The following NAALADL2 variants were observed in gnomAD, a reference collection of about 807,000 sequenced individuals.
The protein encoded by NAALADL2 is N-acetylated alpha-linked acidic dipeptidase like 2.
NAALADL2 carries 76 observed loss-of-function variants against 87.2 expected under a neutral mutation model. The ratio of observed to expected loss-of-function variants is 0.87; its 90% CI spans 0.72 to 1.05. NAALADL2 has a LOEUF of 1.05. Among genes scored for constraint, NAALADL2 ranks in the 50% least tolerant of loss-of-function variants. NAALADL2 has a pLI of 0.00. For missense variants in NAALADL2, 1,089 were observed against 945.8 expected (o/e 1.15, Z -1.99); for synonymous variants, 354 against 331.0 (o/e 1.07, Z -0.75).
intron 2 of NAALADL2, among the ~76,000 whole-genome samples, chr3:174,695,930 A>G (rs550890472): frequency 1.3e-5 from 2 of 152,174 alleles, no homozygotes; most frequent in African/African-American, 2.4e-5. Flanking sequence ...GCTAAGAGAT[A>G]GTATTGACAT....
At chr3:175,785,061 C>A (rs1382096187) in intron 13 of NAALADL2, among the ~76,000 whole-genome samples, 1 of 151,046 alleles carries the variant, frequency 6.6e-6, no homozygotes, top group African/African-American at 2.4e-5. Context: ...GCACTGTGGT[C>A]TGAGAGATAG....
At chr3:175,508,100 G>C (rs1477564902) in intron 9 of NAALADL2, among the ~76,000 whole-genome samples, 3 of 152,148 alleles carry the variant, frequency 2.0e-5, no homozygotes, top group Non-Finnish European at 2.9e-5. Context: ...TAGAGAGTGG[G>C]GCAGAGGTGC....
At chr3:175,233,239 T>C (rs1461253) in intron 2 of NAALADL2, among the ~76,000 whole-genome samples, 64,610 of 151,976 alleles carry the variant, frequency 0.43, 15,492 homozygotes, top group Non-Finnish European at 0.54. Context: ...TCAATCATAT[T>C]GTTTTAAATG....
At chr3:174,687,632 TG>T (rs1185759878) in intron 2 of NAALADL2, among the ~76,000 whole-genome samples, 1 of 152,104 alleles carries the variant, frequency 6.6e-6, no homozygotes, top group Non-Finnish European at 1.5e-5. Context: ...TAGGAAGTGA[TG>T]GGTTTTGAGT....
intron 13 of NAALADL2, 68 bp downstream of exon 13, chr3:175,755,486 T>C (rs990921738): frequency 6.2e-5 from 72 of 1,170,662 alleles, no homozygotes; most frequent in Non-Finnish European, 7.2e-5. Context: ...ACTTTCAGAA[T>C]ACATACCTTC....
chr3:175,794,950 A>C (rs1006271352), intron 13 of NAALADL2, among the ~76,000 whole-genome samples: 1 of 152,120 alleles, frequency 6.6e-6, no homozygotes, highest in African/African-American at 2.4e-5. Flanking sequence ...TGGAGCGGGT[A>C]CTCTGGCTGG....
At chr3:174,774,319 T>C (rs1032733187) in intron 3 of NAALADL2, among the ~76,000 whole-genome samples, 2 of 152,322 alleles carry the variant, frequency 1.3e-5, no homozygotes, top group Non-Finnish European at 2.9e-5. Flanking sequence ...CTTTCTCTAC[T>C]TCTTAGGTAG....
intron 1 of NAALADL2, among the ~76,000 whole-genome samples, chr3:174,993,566 A>G (rs1467477088): frequency 1.3e-5 from 2 of 152,196 alleles, no homozygotes; most frequent in African/African-American, 4.8e-5. Context: ...GAAGCTTCTT[A>G]GGGGCGGTGG....
intron 2 of NAALADL2, among the ~76,000 whole-genome samples, chr3:175,162,816 T>C (rs578089228): frequency 4.6e-5 from 7 of 152,262 alleles, no homozygotes; most frequent in African/African-American, 1.7e-4. Context: ...TTTCTCTCTT[T>C]AGGCAAACTG....
chr3:174,963,711 T>C (rs1742459849), intron 1 of NAALADL2, among the ~76,000 whole-genome samples: 1 of 152,138 alleles, frequency 6.6e-6, no homozygotes, highest in Non-Finnish European at 1.5e-5. Context: ...TTGGCACATA[T>C]TACGAGCTCA....
At chr3:174,609,218 G>A (rs1417485837) in intron 2 of NAALADL2, among the ~76,000 whole-genome samples, 4 of 152,126 alleles carry the variant, frequency 2.6e-5, no homozygotes, top group Non-Finnish European at 5.9e-5. Context: ...TATTGAATGG[G>A]CAAAAACTGG....
intron 2 of NAALADL2, among the ~76,000 whole-genome samples, chr3:174,604,955 A>T (rs1356167490): frequency 6.6e-6 from 1 of 151,160 alleles, no homozygotes; most frequent in Non-Finnish European, 1.5e-5. Flanking sequence ...GTTTCACAAT[A>T]TTGTCCAGGC....
intron 5 of NAALADL2, among the ~76,000 whole-genome samples, chr3:175,363,950 CA>C (rs1765293883): frequency 6.8e-6 from 1 of 148,076 alleles, no homozygotes; most frequent in Admixed American, 6.9e-5. Context: ...ACAGATTTGA[CA>C]TTCGATTTGA....
intron 11 of NAALADL2, among the ~76,000 whole-genome samples, chr3:175,679,234 C>G (rs1484608416): frequency 1.3e-5 from 2 of 149,670 alleles, no homozygotes; most frequent in Non-Finnish European, 3.0e-5. Flanking sequence ...TTAGCTTGGG[C>G]TCAGAGGCCT....
chr3:175,274,324 C>T (rs1323642415), intron 4 of NAALADL2, among the ~76,000 whole-genome samples: 2 of 152,200 alleles, frequency 1.3e-5, no homozygotes, highest in African/African-American at 2.4e-5. Context: ...CCTCCCACGA[C>T]ACGTGGGGAT....
intron 2 of NAALADL2, among the ~76,000 whole-genome samples, chr3:174,585,317 A>T (rs1021285625): frequency 5.3e-5 from 8 of 152,162 alleles, no homozygotes; most frequent in Admixed American, 2.6e-4. Context: ...GAAATCTCCT[A>T]AAATATTGAT....
At chr3:175,388,446 C>T (rs1768677515) in intron 5 of NAALADL2, among the ~76,000 whole-genome samples, 1 of 151,958 alleles carries the variant, frequency 6.6e-6, no homozygotes, top group South Asian at 2.1e-4. Flanking sequence ...TTCTCAATGC[C>T]ATAAAATACA....
chr3:175,738,720 C>T (rs993550140), intron 12 of NAALADL2, among the ~76,000 whole-genome samples: 1 of 152,140 alleles, frequency 6.6e-6, no homozygotes, highest in Non-Finnish European at 1.5e-5. Context: ...TCATATTGCT[C>T]TCCTTTTTAT....
intron 2 of NAALADL2, among the ~76,000 whole-genome samples, chr3:175,150,864 G>A (rs549735405): frequency 1.3e-5 from 2 of 152,258 alleles, no homozygotes; most frequent in East Asian, 3.9e-4. Context: ...TAGGCATAAT[G>A]CCTGCCCTCC....
Sources: allele counts gnomAD v4.1 joint callset (sites outside exome capture counted in the v4.1 genomes callset), GRCh38; gene constraint gnomAD v4.1.1; transcripts MANE v1.5; gene names NCBI Gene and HGNC (gene_info 2026-07-23, HGNC 2026-07-21).